IL37: variants seen among roughly 807,000 people sequenced by gnomAD.
IL37 encodes the protein interleukin 37, also known as interleukin-37.
IL37 carries 15 observed loss-of-function variants against 15.4 expected under a neutral mutation model. That is an observed-to-expected ratio of 0.98 (90% CI 0.65 to 1.50). The LOEUF (loss-of-function observed/expected upper bound fraction) is 1.50. Ranked by LOEUF, IL37 falls within the 40% of genes most tolerant of loss-of-function variation. The pLI is 0.00. For synonymous variants in IL37, 98 were observed against 97.4 expected, an observed-to-expected ratio of 1.01 and a Z score of -0.03; for missense variants, 269 against 261.7, an observed-to-expected ratio of 1.03 and a Z score of -0.19.
intron 3 of IL37, 120 bp from the exon 4 acceptor site, chr2:112,917,009 T>G (rs1573314669): frequency 6.3e-5 from 69 of 1,087,846 alleles, no homozygotes; most frequent in Non-Finnish European, 4.0e-6. Flanking sequence ...TCAGTGGCTG[T>G]GATGTCTGAG....
chr2:112,911,451 A>T (rs1268144609), intron 1 of IL37, among the ~76,000 whole-genome samples: 1 of 152,128 alleles, frequency 6.6e-6, no homozygotes, highest in Non-Finnish European at 1.5e-5. Context: ...TTCCACTAAC[A>T]AGTAGGGCAT....
chr2:112,917,780 G>T lies in IL37; in HGVS notation c.408+3G>T, dbSNP rs1407509893. 3 of 1,614,056 alleles carry T rather than the reference G, an allele frequency of 1.9e-6. No individual in the cohort carries two copies. The highest frequency in any genetic ancestry group is 2.5e-6 in the Non-Finnish European group (3 of 1,179,986). On this transcript the variant is annotated splice_donor_region_variant and intron_variant, in intron 5 of 5. Coordinates refer to ENST00000263326, the MANE Select transcript of IL37 (RefSeq NM_014439.4). ...GTCATCCATCCCTTCAGCTGAAGGT[G>T]AGAGTTCTAGCTCAGTTTCCTGGGC...
chr2:112,913,115 T>C (rs1188195999), intron 2 of IL37, 21 bp downstream of exon 2: 1 of 1,494,858 alleles, frequency 6.7e-7, no homozygotes, highest in African/African-American at 1.5e-5. Flanking sequence ...TGTAGAAATC[T>C]ACCTCAGGGC....
At chr2:112,913,923 G>T in intron 3 of IL37, 69 bp downstream of exon 3, 1 of 1,271,202 alleles carries the variant, frequency 7.9e-7, no homozygotes, top group Non-Finnish European at 1.2e-6. Flanking sequence ...TGGAGCCATT[G>T]GGTCCTCTTA....
rs547754217 is a variant in IL37 at position 112,912,618 on chromosome 2, T to TA, written c.-50-338dup. Among the ~76,000 whole-genome samples the TA allele has an allele frequency of 3.1e-3, 468 of 152,266 alleles. 3 individuals are homozygous for TA. Among genetic ancestry groups the TA allele is most frequent in the African/African-American group, 9.7e-3 (404 of 41,544 alleles). On this transcript the variant is annotated intron_variant, in intron 1 of 5. Coordinates refer to ENST00000263326, the MANE Select transcript of IL37 (RefSeq NM_014439.4). Reference sequence around the variant, plus strand: ...GGCTGTGTTTCAATAAAACTTTATTTAAAAAAACAGTCAGGGACCGGATTT... The same window carrying TA: ...GGCTGTGTTTCAATAAAACTTTATTTAAAAAAAACAGTCAGGGACCGGATTT...
intron 3 of IL37, among the ~76,000 whole-genome samples, chr2:112,914,934 T>C (rs1321939872): frequency 2.0e-5 from 3 of 152,202 alleles, no homozygotes; most frequent in Non-Finnish European, 4.4e-5. Flanking sequence ...TTAACAAGAC[T>C]TCCAGGTTAT....
chr2:112,912,259 G>A (rs376509411), intron 1 of IL37, among the ~76,000 whole-genome samples: 1 of 152,010 alleles, frequency 6.6e-6, no homozygotes, highest in Non-Finnish European at 1.5e-5. Context: ...GAAAGCTCTC[G>A]GTCAACTGAG....
chr2:112,917,855 T>C, intron 5 of IL37, 78 bp downstream of exon 5: 1 of 1,457,538 alleles, frequency 6.9e-7, no homozygotes, highest in Non-Finnish European at 9.6e-7. Context: ...CCTCTCGCTT[T>C]CCTGCAAATT....
intron 3 of IL37, among the ~76,000 whole-genome samples, chr2:112,916,424 C>G (rs141030541): frequency 2.0e-5 from 3 of 152,150 alleles, no homozygotes; most frequent in Non-Finnish European, 4.4e-5. Flanking sequence ...TAGGAGCCCA[C>G]GCCCTAAGAA....
chr2:112,913,414 A>C (rs572141847), intron 2 of IL37, among the ~76,000 whole-genome samples: 31 of 152,354 alleles, frequency 2.0e-4, no homozygotes, highest in African/African-American at 7.2e-4. Flanking sequence ...CCCAAGTGGA[A>C]GAGAAGCCTC....
intron 1 of IL37, among the ~76,000 whole-genome samples, chr2:112,912,751 G>A (rs1474364532): frequency 2.6e-5 from 4 of 152,154 alleles, no homozygotes; most frequent in South Asian, 2.1e-4. Flanking sequence ...ATTGCACCCC[G>A]TGTGTTAGCA....
At position 112,911,408 on chromosome 2, in the gene IL37, C is replaced by A. The variant is rs377612341; in HGVS notation, c.-51+160C>A. Among the ~76,000 whole-genome samples the A allele has an allele frequency of 3.6e-4, 55 of 152,294 alleles. No individual in the cohort carries two copies. The South Asian group carries it at 0.011, about 29-fold the overall frequency. On this transcript the variant is annotated intron_variant, in intron 1 of 5. Coordinates refer to ENST00000263326, the MANE Select transcript of IL37 (RefSeq NM_014439.4). The stretch of plus-strand genomic sequence containing the variant: ...CCTGCCCAGAACACCTTGCTCTCAG[C>A]CCCAGTAGCAGCCTGCTCTCTCCCA...
intron 5 of IL37, among the ~76,000 whole-genome samples, chr2:112,918,071 T>C (rs1228723215): frequency 6.6e-6 from 1 of 152,198 alleles, no homozygotes; most frequent in Non-Finnish European, 1.5e-5. Context: ...CCCCTCCTGC[T>C]GTGGCCCTCC....
At chr2:112,917,027 G>A (rs1279764775) in intron 3 of IL37, 102 bp from the exon 4 acceptor site, 1 of 1,316,792 alleles carries the variant, frequency 7.6e-7, no homozygotes, top group African/African-American at 1.5e-5. Flanking sequence ...GAGCCCACAG[G>A]CAGGGTGGAG....
chr2:112,911,768 T>C (rs1410462253), intron 1 of IL37, among the ~76,000 whole-genome samples: 1 of 152,200 alleles, frequency 6.6e-6, no homozygotes, highest in African/African-American at 2.4e-5. Flanking sequence ...AGTATCTTTA[T>C]ATGTCTTTGG....
chr2:112,915,640 C>T (rs1683292101), intron 3 of IL37, among the ~76,000 whole-genome samples: 1 of 152,232 alleles, frequency 6.6e-6, no homozygotes, highest in Admixed American at 6.5e-5. Flanking sequence ...GCTCCATGAA[C>T]TCAGACTGCC....
At chr2:112,915,159 G>A in intron 3 of IL37, 1 of 1,597,918 alleles carries the variant, frequency 6.3e-7, no homozygotes, top group Non-Finnish European at 8.6e-7. Flanking sequence ...TAAGAGGATA[G>A]TGAACTAGTC....
rs1245321176 is a variant in IL37, at chr2:112,917,661, T to G, written c.292T>G (p.Leu98Val). Residue 98 changes from leucine (L) to valine (V), a missense_variant, in exon 5 of 6, where the codon TTG (leucine) becomes GTG (valine). Coordinates refer to ENST00000263326, the MANE Select transcript of IL37 (RefSeq NM_014439.4). ...PEIFFALASS[L>V]SSASAEKGSP... ...GATCTTCTTTGCATTAGCCTCATCC[T>G]TGAGCTCAGCCTCTGCGGAGAAAGG... 2.5e-6 allele frequency: 4 copies of G among 1,602,384 alleles called. No individual in the cohort carries two copies. The South Asian group carries it at 4.5e-5, about 18-fold the overall frequency.
chr2:112,917,116 G>T lies in IL37; in HGVS notation c.146-13G>T, dbSNP rs1453268859. On this transcript the variant is annotated splice_polypyrimidine_tract_variant and intron_variant, in intron 3 of 5. Coordinates refer to ENST00000263326, the MANE Select transcript of IL37 (RefSeq NM_014439.4). ...TCAATGTGAAGTGTTGATATCTGGT[G>T]ATATTGATCTAGGTCCAAAGGTGAA... The T allele has an allele frequency of 3.7e-6, 6 of 1,613,380 alleles. No homozygotes were observed. Among genetic ancestry groups the T allele is most frequent in the Admixed American group, 3.3e-5 (2 of 59,964 alleles).
Sources: allele counts gnomAD v4.1 joint callset (sites outside exome capture counted in the v4.1 genomes callset), GRCh38; gene constraint gnomAD v4.1.1; transcripts MANE v1.5; gene names NCBI Gene and HGNC (gene_info 2026-07-23, HGNC 2026-07-21).